FGD4: variants seen among roughly 807,000 people sequenced by gnomAD.
FGD4 encodes the protein FYVE, RhoGEF and PH domain containing 4.
FGD4 carries 42 observed loss-of-function variants against 102.0 expected under a neutral mutation model. The observed-to-expected ratio is 0.41, with a 90% confidence interval of 0.32 to 0.53. FGD4 has a LOEUF of 0.53. FGD4 is among the 20% of genes least tolerant of loss of function. The probability of loss-of-function intolerance (pLI) is 0.21; values close to 1 mark genes in which losing one functional copy is unlikely to be tolerated. For synonymous variants in FGD4, 380 were observed against 375.7 expected (o/e 1.01, Z -0.13); for missense variants, 902 against 1,078.2 (o/e 0.84, Z 2.29).
intron 1 of FGD4, among the ~76,000 whole-genome samples, chr12:32,447,408 G>A (rs1357582825): frequency 6.9e-6 from 1 of 144,110 alleles, no homozygotes; most frequent in Non-Finnish European, 1.6e-5. Flanking sequence ...TAGTTTATGG[G>A]GTGTGGTTGG....
intron 14 of FGD4, among the ~76,000 whole-genome samples, chr12:32,628,250 G>A (rs1950292217): frequency 6.6e-6 from 1 of 152,088 alleles, no homozygotes; most frequent in African/African-American, 2.4e-5. Context: ...AGGGGAGATG[G>A]GTAGAGCCAG....
At chr12:32,474,046 C>T (rs1014948909) in intron 1 of FGD4, among the ~76,000 whole-genome samples, 1 of 151,918 alleles carries the variant, frequency 6.6e-6, no homozygotes, top group Non-Finnish European at 1.5e-5. Flanking sequence ...TGAGAGCGCG[C>T]CACTGCACTC....
intron 4 of FGD4, among the ~76,000 whole-genome samples, chr12:32,593,977 G>A (rs1484254998): frequency 4.6e-5 from 7 of 152,186 alleles, no homozygotes. Flanking sequence ...AGAAAGGAAA[G>A]ATCACTAGGT....
chr12:32,520,433 G>T (rs113808708), intron 1 of FGD4, among the ~76,000 whole-genome samples: 36,552 of 102,332 alleles, frequency 0.36, 5,849 homozygotes, highest in African/African-American at 0.54. Flanking sequence ...GGGTTTTTTT[G>T]TTTTTTGTTT....
intron 1 of FGD4, among the ~76,000 whole-genome samples, chr12:32,467,860 A>G (rs1344295203): frequency 2.6e-5 from 4 of 152,104 alleles, no homozygotes; most frequent in African/African-American, 7.2e-5. Context: ...TACTAAAAAT[A>G]CAAAAATAAG....
chr12:32,434,974 C>G (rs1214386375), intron 1 of FGD4, among the ~76,000 whole-genome samples: 2 of 147,092 alleles, frequency 1.4e-5, no homozygotes, highest in Non-Finnish European at 3.0e-5. Flanking sequence ...TCTTTTCTTT[C>G]TTTTTTTTGC....
In FGD4 at chr12:32,582,123, CAG is replaced by C. The variant is rs1946663833; in HGVS notation, c.669_670del (p.Gln223HisfsTer17). On this transcript the variant is annotated frameshift_variant, in exon 4 of 17. Transcript: ENST00000534526. LOFTEE classifies it high-confidence loss of function. ...TGATACAGATAAGACTCAGGGTGCA[CAG>C]ACTTGTGTGGCCAACGGTGTAATGG... The part of the protein sequence containing the change: ...GNDTDKTQGA[Q>X]TCVANGVMAA... The C allele has an allele frequency of 6.2e-7, 1 of 1,614,078 alleles. No homozygotes were observed. Among genetic ancestry groups the C allele is most frequent in the Non-Finnish European group, 8.5e-7 (1 of 1,180,058 alleles).
In FGD4 at chr12:32,625,071, GA is replaced by G; in HGVS notation, c.2046+4del. ...ATGACATTCACTCAGAGGTTTCTGTGAGTTGAATTAAATTCTTAACTTCAAC... is the reference window on the plus strand; with the variant it reads ...ATGACATTCACTCAGAGGTTTCTGTGGTTGAATTAAATTCTTAACTTCAAC... On this transcript the variant is annotated splice_donor_region_variant and intron_variant, in intron 13 of 16. Transcript: ENST00000534526. The G allele has an allele frequency of 6.2e-7, 1 of 1,609,968 alleles. No individual in the cohort carries two copies. The highest frequency in any genetic ancestry group is 8.5e-7 in the Non-Finnish European group (1 of 1,177,054).
At chr12:32,618,432 A>G (rs776750393) in intron 10 of FGD4, among the ~76,000 whole-genome samples, 61 of 122,130 alleles carry the variant, frequency 5.0e-4, no homozygotes, top group Non-Finnish European at 7.5e-4. Context: ...GATGATATGG[A>G]TGGTGATTAA....
intron 1 of FGD4, among the ~76,000 whole-genome samples, chr12:32,510,854 G>A (rs1939289549): frequency 6.6e-6 from 1 of 152,184 alleles, no homozygotes; most frequent in South Asian, 2.1e-4. Flanking sequence ...ATGTTCTGTT[G>A]GGAATATAGA....
chr12:32,601,721 A>T (rs1336667330), intron 6 of FGD4, among the ~76,000 whole-genome samples: 1 of 152,196 alleles, frequency 6.6e-6, no homozygotes, highest in Non-Finnish European at 1.5e-5. Context: ...GTTTTCTATC[A>T]GCCTCACAGT....
At chr12:32,625,304 C>T (rs1452352039) in intron 13 of FGD4, among the ~76,000 whole-genome samples, 4 of 132,768 alleles carry the variant, frequency 3.0e-5, no homozygotes, top group Non-Finnish European at 1.5e-5. Context: ...GAGTCTTGCT[C>T]TGTCACCCAA....
At chr12:32,630,443 GTTGAGGCAGGAGGATTGC>G (rs1351764684) in intron 14 of FGD4, among the ~76,000 whole-genome samples, 1 of 152,138 alleles carries the variant, frequency 6.6e-6, no homozygotes, top group East Asian at 1.9e-4. Context: ...TCGGAGGGAG[GTTGAGGCAGGAGGATTGC>G]TTGAGGCCAG....
rs1313050104 is a variant in FGD4 at position 32,643,414 on chromosome 12, A to C, written c.*2881A>C. The C allele has an allele frequency of 6.6e-6, 1 of 152,324 alleles. No individual in the cohort carries two copies. Among genetic ancestry groups the C allele is most frequent in the Non-Finnish European group, 1.5e-5 (1 of 67,910 alleles). 9.4% of individuals were successfully genotyped at this position (152,324 alleles called of 1,614,324 possible). On this transcript the variant is annotated 3_prime_UTR_variant, in exon 17 of 17. Transcript: ENST00000534526. ...TACGGTAATTCGAATTGCAGAGTAT[A>C]AGGAAGGGAAATGGGAAGGGGCATC... is the stretch of plus-strand genomic sequence containing the variant.
At chr12:32,480,782 A>C (rs565428544) in intron 1 of FGD4, among the ~76,000 whole-genome samples, 8 of 145,378 alleles carry the variant, frequency 5.5e-5, no homozygotes, top group African/African-American at 7.6e-5. Context: ...TACAGGCGTG[A>C]GCCACCACGC....
chr12:32,514,253 C>G (rs1188644356), intron 1 of FGD4, among the ~76,000 whole-genome samples: 1 of 152,164 alleles, frequency 6.6e-6, no homozygotes, highest in Non-Finnish European at 1.5e-5. Flanking sequence ...TTATACAATA[C>G]AGAAGCAGTA....
At chr12:32,598,803 GA>G (rs1414895025) in intron 5 of FGD4, among the ~76,000 whole-genome samples, 1 of 152,158 alleles carries the variant, frequency 6.6e-6, no homozygotes, top group Non-Finnish European at 1.5e-5. Context: ...TTCTCTCTAT[GA>G]ATCACAAAAT....
chr12:32,444,026 T>C (rs2728716), intron 1 of FGD4, among the ~76,000 whole-genome samples: 335 of 104,976 alleles, frequency 3.2e-3, no homozygotes, highest in African/African-American at 9.6e-3. Context: ...GTTTTCTTTT[T>C]TTTTTTTTTT....
In FGD4 at chr12:32,473,361, C is replaced by G. The variant is rs77481041; in HGVS notation, c.166+73402C>G. 4.0e-5 allele frequency among the ~76,000 whole-genome samples: 6 copies of G among 151,826 alleles called. No individual in the cohort carries two copies. The East Asian group carries it at 1.2e-3, about 29-fold the overall frequency. ...CTTTTATGAGCTGTAACACTCACCGCGAAGATCTGCAGCTTCACTCCTGAG... is the reference window on the plus strand; with the variant it reads ...CTTTTATGAGCTGTAACACTCACCGGGAAGATCTGCAGCTTCACTCCTGAG... On this transcript the variant is annotated intron_variant, in intron 1 of 16. Transcript: ENST00000534526.
Sources: allele counts gnomAD v4.1 joint callset (sites outside exome capture counted in the v4.1 genomes callset), GRCh38; gene constraint gnomAD v4.1.1; transcripts MANE v1.5; gene names NCBI Gene and HGNC (gene_info 2026-07-23, HGNC 2026-07-21).